Variants in CACNA2D3 observed in about 807,000 individuals in gnomAD.
CACNA2D3 encodes the protein voltage-dependent calcium channel subunit alpha-2/delta-3.
Under a neutral mutation model 160.6 loss-of-function variants are expected in CACNA2D3, and 60 were observed. The observed-to-expected ratio is 0.37, with a 90% CI of 0.30 to 0.46. The LOEUF is 0.46. Among genes scored for constraint, CACNA2D3 ranks in the 20% least tolerant of loss-of-function variants. The pLI, the probability that CACNA2D3 is intolerant of heterozygous loss-of-function variation, is 1.00. For synonymous variants in CACNA2D3, 558 were observed against 492.9 expected, an observed-to-expected ratio of 1.13 and a Z score of -1.75; for missense variants, 1,205 against 1,365.0, an observed-to-expected ratio of 0.88 and a Z score of 1.85.
chr3:54,128,870 T>C (rs1699650029), intron 2 of CACNA2D3, among the ~76,000 whole-genome samples: 1 of 152,224 alleles, frequency 6.6e-6, no homozygotes, highest in African/African-American at 2.4e-5. Context: ...GTGATTTTTT[T>C]CCCCTTTAAA....
intron 2 of CACNA2D3, among the ~76,000 whole-genome samples, chr3:54,198,091 T>C (rs745715228): frequency 3.9e-5 from 6 of 152,242 alleles, no homozygotes; most frequent in Non-Finnish European, 7.3e-5. Context: ...TATCAGACTT[T>C]TCTTTTTTTC....
chr3:54,365,143 A>C (rs1443063089), intron 3 of CACNA2D3, among the ~76,000 whole-genome samples: 1 of 152,214 alleles, frequency 6.6e-6, no homozygotes, highest in Non-Finnish European at 1.5e-5. Flanking sequence ...ATGACTCACA[A>C]ATTAGACCTT....
intron 9 of CACNA2D3, among the ~76,000 whole-genome samples, chr3:54,595,326 GTGTGTGT>G (rs1702934558): frequency 6.6e-6 from 1 of 151,304 alleles, no homozygotes; most frequent in Non-Finnish European, 1.5e-5. Flanking sequence ...GTGTGTGTGT[GTGTGTGT>G]GTGTGTGTGT....
At chr3:54,125,287 C>T (rs1311294024) in intron 2 of CACNA2D3, among the ~76,000 whole-genome samples, 2 of 148,034 alleles carry the variant, frequency 1.4e-5, no homozygotes, top group African/African-American at 2.5e-5. Flanking sequence ...CACAAAACTC[C>T]GTCAACCTTA....
chr3:54,280,385 C>T (rs1358694884), intron 2 of CACNA2D3, among the ~76,000 whole-genome samples: 6 of 152,060 alleles, frequency 3.9e-5, no homozygotes, highest in East Asian at 1.9e-4. Context: ...CTGGCCTGTT[C>T]GTTCATTTAA....
At position 54,274,858 on chromosome 3, in the gene CACNA2D3, A is replaced by G. The variant is rs1379004197; in HGVS notation, c.205-45584A>G. ...GCTCACTGCATGGCAGCTGGCTTCC[A>G]GCAGAGTGACCAGGGGAGACAGCAA... On this transcript the variant is annotated intron_variant, in intron 2 of 37. Coordinates refer to ENST00000474759, the MANE Select transcript of CACNA2D3 (RefSeq NM_018398.3). Among the ~76,000 whole-genome samples the G allele has an allele frequency of 3.3e-5, 5 of 152,258 alleles. 1 individual carries two copies. Among genetic ancestry groups the G allele is most frequent in the South Asian group, 4.1e-4 (2 of 4,832 alleles).
intron 27 of CACNA2D3, among the ~76,000 whole-genome samples, chr3:54,962,008 C>G (rs1460968476): frequency 6.6e-6 from 1 of 152,036 alleles, no homozygotes; most frequent in African/African-American, 2.4e-5. Context: ...ACTCAGGTCT[C>G]TCTCCCTCTT....
At chr3:54,733,545 G>A (rs572431661) in intron 11 of CACNA2D3, among the ~76,000 whole-genome samples, 62 of 152,284 alleles carry the variant, frequency 4.1e-4, no homozygotes, top group South Asian at 1.2e-3. Context: ...TTTCTCTCCT[G>A]TAACGAGAGT....
chr3:54,476,150 C>T (rs529231609), intron 4 of CACNA2D3, among the ~76,000 whole-genome samples: 37 of 148,984 alleles, frequency 2.5e-4, no homozygotes, highest in Admixed American at 8.1e-4. Flanking sequence ...CTGGTTCGTC[C>T]GTGTTATCTC....
chr3:54,721,917 TGTG>T (rs983186754), intron 11 of CACNA2D3, among the ~76,000 whole-genome samples: 1 of 152,152 alleles, frequency 6.6e-6, no homozygotes, highest in African/African-American at 2.4e-5. Flanking sequence ...GGAGTATCTT[TGTG>T]GTGGTCTCTG....
At chr3:54,319,366 G>C (rs138144493) in intron 2 of CACNA2D3, among the ~76,000 whole-genome samples, 1 of 152,272 alleles carries the variant, frequency 6.6e-6, no homozygotes, top group African/African-American at 2.4e-5. Context: ...GGTCTCTAGA[G>C]CTGAGATGAG....
intron 14 of CACNA2D3, among the ~76,000 whole-genome samples, chr3:54,831,967 C>A (rs1703887382): frequency 6.6e-6 from 1 of 150,480 alleles, no homozygotes; most frequent in Non-Finnish European, 1.5e-5. Flanking sequence ...CCCGCCCTTT[C>A]CCTCTTTTTT....
intron 2 of CACNA2D3, among the ~76,000 whole-genome samples, chr3:54,256,006 G>A (rs998437172): frequency 2.0e-5 from 3 of 152,076 alleles, no homozygotes; most frequent in African/African-American, 7.2e-5. Flanking sequence ...AAATGCAAAA[G>A]CATAGTTGGA....
In CACNA2D3 at chr3:54,916,793, G is replaced by A. The variant is rs189305880; in HGVS notation, c.2449+16925G>A. On this transcript the variant is annotated intron_variant, in intron 27 of 37. Coordinates refer to ENST00000474759, the MANE Select transcript of CACNA2D3 (RefSeq NM_018398.3). ...GTTAGAGAATGGACTACTGATTTAGGATCCAAACCAATCATTACATGGCCT... is the reference window on the plus strand; with the variant it reads ...GTTAGAGAATGGACTACTGATTTAGAATCCAAACCAATCATTACATGGCCT... Among the ~76,000 whole-genome samples, 142 of 152,312 alleles carry A rather than the reference G, an allele frequency of 9.3e-4. No homozygotes were observed. The Middle Eastern group carries it at 0.01, about 11-fold the overall frequency.
chr3:54,968,909 C>T (rs902305734), intron 28 of CACNA2D3, among the ~76,000 whole-genome samples: 2 of 152,184 alleles, frequency 1.3e-5, no homozygotes, highest in Non-Finnish European at 2.9e-5. Context: ...TTCTCCAAAA[C>T]ATGTATCTGA....
intron 2 of CACNA2D3, among the ~76,000 whole-genome samples, chr3:54,261,164 C>G (rs1702393980): frequency 6.6e-6 from 1 of 152,162 alleles, no homozygotes; most frequent in African/African-American, 2.4e-5. Context: ...GTAAGTTAAA[C>G]AATTTATTTT....
At chr3:54,687,137 T>TTTC (rs1700474026) in intron 11 of CACNA2D3, among the ~76,000 whole-genome samples, 1 of 67,936 alleles carries the variant, frequency 1.5e-5, no homozygotes, top group South Asian at 3.8e-4. Context: ...TTTTTTTTGT[T>TTTC]TTTTTTTTTT....
intron 11 of CACNA2D3, among the ~76,000 whole-genome samples, chr3:54,673,463 C>A (rs1356798239): frequency 6.6e-6 from 1 of 152,164 alleles, no homozygotes; most frequent in African/African-American, 2.4e-5. Flanking sequence ...ACTCATGAGA[C>A]TAGTGTTGCA....
chr3:54,454,806 C>G (rs76384237), intron 4 of CACNA2D3, among the ~76,000 whole-genome samples: 6,269 of 152,122 alleles, frequency 0.041, 301 homozygotes, highest in African/African-American at 0.12. Flanking sequence ...TATATGGGAT[C>G]AACTTTTTTA....
Sources: allele counts gnomAD v4.1 joint callset (sites outside exome capture counted in the v4.1 genomes callset), GRCh38; gene constraint gnomAD v4.1.1; transcripts MANE v1.5; gene names NCBI Gene and HGNC (gene_info 2026-07-23, HGNC 2026-07-21).